Variants in CFAP65 observed in about 807,000 individuals in gnomAD.
The protein encoded by CFAP65 is cilia and flagella associated protein 65, also known as cilia- and flagella-associated protein 65.
CFAP65 carries 155 observed loss-of-function variants against 208.0 expected under a neutral mutation model. That is an observed-to-expected ratio of 0.75 (90% confidence interval 0.65 to 0.85). CFAP65 has a LOEUF of 0.85. Among genes scored for constraint, CFAP65 ranks in the 40% least tolerant of loss-of-function variants. The pLI, the probability that CFAP65 is intolerant of heterozygous loss-of-function variation, is 0.00. For synonymous variants in CFAP65, 970 were observed against 986.3 expected (o/e 0.98, Z 0.31); for missense variants, 2,294 against 2,451.3 (o/e 0.94, Z 1.36).
chr2:219,027,446 A>T, intron 13 of CFAP65: 1 of 1,530,384 alleles, frequency 6.5e-7, no homozygotes. Context: ...AGACTTACAT[A>T]AGAATGAGAA....
Position 219,003,688 on chromosome 2 carries a change from T to A in CFAP65, c.5555+264A>T, listed in dbSNP as rs1257945743. On this transcript the variant is annotated intron_variant, in intron 33 of 34. Coordinates refer to ENST00000341552, the MANE Select transcript of CFAP65 (RefSeq NM_194302.4). The surrounding 1 kb of genome is among the most constrained non-coding windows in gnomAD (Gnocchi z 4.4). ...CCTTTTCTGGCTCTAGAAGCCCATTTACAAGACTTTGCAGACTATAACAAT... is the reference window on the plus strand; with the variant it reads ...CCTTTTCTGGCTCTAGAAGCCCATTAACAAGACTTTGCAGACTATAACAAT... Among the ~76,000 whole-genome samples, 2 of 152,218 alleles carry A rather than the reference T, an allele frequency of 1.3e-5. No homozygotes were observed. Among genetic ancestry groups the A allele is most frequent in the Non-Finnish European group, 2.9e-5 (2 of 68,042 alleles).
chr2:219,038,976 AG>A lies in CFAP65; in HGVS notation c.72del (p.Ser25LeufsTer10), dbSNP rs745749043. ...AGAAGAGGAATAAGGGGGAAAGAAG[AG>A]GCAAATGAGACTGATGGATTCTCCA... ...QKVENPSVSF[A>X]SSFPLIPLLL... On this transcript the variant is annotated frameshift_variant, in exon 3 of 35. Coordinates refer to ENST00000341552, the MANE Select transcript of CFAP65 (RefSeq NM_194302.4). LOFTEE classifies it high-confidence loss of function. 1 of 1,614,004 alleles carries A rather than the reference AG, an allele frequency of 6.2e-7. No homozygotes were observed. Among genetic ancestry groups the A allele is most frequent in the Non-Finnish European group, 8.5e-7 (1 of 1,179,920 alleles).
chr2:219,023,946 C>T, intron 15 of CFAP65, 69 bp downstream of exon 15: 1 of 1,546,912 alleles, frequency 6.5e-7, no homozygotes, highest in Non-Finnish European at 8.8e-7. Flanking sequence ...CAGAATATGG[C>T]CTTGAAAAGG....
chr2:219,009,061 C>T lies in CFAP65; in HGVS notation c.4660G>A (p.Asp1554Asn), dbSNP rs147380052. 3.0e-5 allele frequency: 49 copies of T among 1,611,336 alleles called. No individual in the cohort carries two copies. The highest frequency in any genetic ancestry group is 3.8e-5 in the Non-Finnish European group (45 of 1,178,678). ...GCCCTCCTCACCTTCACTTTCATGT[C>T]GGTGATGGTGAACTCCACTTCCTGC... is the stretch of plus-strand genomic sequence containing the variant. ...VRQEVEFTITDMKVKKRTCCT... is the reference protein window; with the variant it reads ...VRQEVEFTITNMKVKKRTCCT... The change falls in exon 29 of 35, where the codon GAC (aspartate) becomes AAC (asparagine). Residue 1554 changes from aspartate to asparagine, a missense_variant. Physicochemically the swap from Asp to Asn is conservative, Grantham distance 23. Around this residue, in one of 2 missense-constraint regions of CFAP65, gnomAD observed 1,427 missense variants for 1,438.7 expected, o/e 0.99. Coordinates refer to ENST00000341552, the MANE Select transcript of CFAP65 (RefSeq NM_194302.4).
At chr2:219,005,913 C>T in intron 31 of CFAP65, 108 bp downstream of exon 31, 2 of 1,132,202 alleles carry the variant, frequency 1.8e-6, no homozygotes, top group Non-Finnish European at 2.6e-6. Context: ...ACTGCTGCTG[C>T]CCATGCTCCA....
intron 19 of CFAP65, among the ~76,000 whole-genome samples, chr2:219,020,279 A>G (rs1031591910): frequency 4.6e-5 from 7 of 152,306 alleles, no homozygotes; most frequent in East Asian, 3.9e-4. Flanking sequence ...TTCACTTAGC[A>G]TAATGTTTTC....
chr2:219,034,211 C>T (rs1046416553), intron 5 of CFAP65: 1 of 152,048 alleles, frequency 6.6e-6, no homozygotes, highest in African/African-American at 2.4e-5. Flanking sequence ...AATTAAATCC[C>T]AATCAAAATC....
intron 13 of CFAP65, 36 bp downstream of exon 13, chr2:219,027,614 G>A: frequency 6.2e-7 from 1 of 1,613,314 alleles, no homozygotes. Flanking sequence ...TCCTAGCAGA[G>A]ACCCCGCATT....
At chr2:219,026,299 G>T in intron 13 of CFAP65, 140 bp from the exon 14 acceptor site, 1 of 893,760 alleles carries the variant, frequency 1.1e-6, no homozygotes, top group Non-Finnish European at 1.7e-6. Flanking sequence ...GGAAGACAGT[G>T]CAGAGAACAA....
In CFAP65 at chr2:219,026,148, G is replaced by C. The variant is rs766820065; in HGVS notation, c.2223C>G (p.Ser741Arg). 1.9e-6 allele frequency: 3 copies of C among 1,612,090 alleles called. No individual in the cohort carries two copies. Among genetic ancestry groups the C allele is most frequent in the Non-Finnish European group, 2.5e-6 (3 of 1,178,556 alleles). ...EAFAIYKVLQ[S>R]YSNIEEDCTM... ...TGCAGTCCTCCTCAATATTACTGTA[G>C]CTCTGCAGGACCTGCAGAGGGGCCA... Residue 741 changes from serine to arginine, a missense_variant, in exon 14 of 35, where the codon AGC becomes AGG. Transcript: ENST00000341552.
intron 5 of CFAP65, chr2:219,033,692 T>C (rs1948188059): frequency 6.6e-6 from 1 of 152,170 alleles, no homozygotes; most frequent in Non-Finnish European, 1.5e-5. Context: ...ACCAGACAGC[T>C]TAATAGTGAA....
intron 29 of CFAP65, among the ~76,000 whole-genome samples, chr2:219,008,177 G>A (rs1455485359): frequency 6.6e-6 from 1 of 152,126 alleles, no homozygotes; most frequent in African/African-American, 2.4e-5. Flanking sequence ...CAAAAGTGGA[G>A]GGGATGCTAC....
At chr2:219,013,735 ACCT>A in intron 22 of CFAP65, 130 bp downstream of exon 22, 1 of 1,146,328 alleles carries the variant, frequency 8.7e-7, no homozygotes, top group Non-Finnish European at 1.3e-6. Flanking sequence ...AGGAAATTAG[ACCT>A]CCTCTGCAGG....
chr2:219,032,205 G>T lies in CFAP65; in HGVS notation c.645+265C>A, dbSNP rs988834868. On this transcript the variant is annotated intron_variant, in intron 6 of 34. Transcript: ENST00000341552. The surrounding 1 kb of genome is among the most constrained non-coding windows in gnomAD (Gnocchi z 5.5). ...CAAAGTGCTGAGATTCCAGAAGTCA[G>T]TCACCGTCCCCGGCCACGGAATGTA... Among the ~76,000 whole-genome samples the T allele has an allele frequency of 6.6e-6, 1 of 152,240 alleles. No individual in the cohort carries two copies. Among genetic ancestry groups the T allele is most frequent in the East Asian group, 1.9e-4 (1 of 5,200 alleles).
intron 24 of CFAP65, 116 bp downstream of exon 24, chr2:219,013,143 A>G: frequency 1.3e-6 from 1 of 748,838 alleles, no homozygotes; most frequent in Non-Finnish European, 2.3e-6. Flanking sequence ...CTGCTGGCCC[A>G]GCCCCTCAAT....
In CFAP65 at chr2:219,005,436, G is replaced by A; in HGVS notation, c.5049C>T (p.Ile1683=). 1 of 1,613,848 alleles carries A rather than the reference G, an allele frequency of 6.2e-7. No individual in the cohort carries two copies. Among genetic ancestry groups the A allele is most frequent in the Non-Finnish European group, 8.5e-7 (1 of 1,179,958 alleles). Residue 1683 remains isoleucine (I), a splice_region_variant and synonymous_variant, in exon 32 of 35, where the codon ATC becomes ATT. Transcript: ENST00000341552. The part of the protein sequence containing the change: ...QLLVDILTTI[I]RGLLEDKNFH... ...GGGCCCAGGGTGTGAGCTGGTACCT[G>A]ATTATTGTGGTGAGAATGTCAACCA...
At chr2:219,009,196 C>A (rs1190020987) in intron 28 of CFAP65, 42 bp from the exon 29 acceptor site, 2 of 1,578,276 alleles carry the variant, frequency 1.3e-6, no homozygotes, top group South Asian at 2.2e-5. Context: ...AGGTCTGGAG[C>A]TTGCCCGGGG....
intron 12 of CFAP65, 84 bp downstream of exon 12, chr2:219,028,117 T>C (rs1398492761): frequency 6.4e-7 from 1 of 1,567,678 alleles, no homozygotes. Context: ...CCCTGACTAC[T>C]AATGGTGCCC....
Position 219,004,483 on chromosome 2 carries a change from C to T in CFAP65, c.5052-28G>A. 1.9e-6 allele frequency: 3 copies of T among 1,574,998 alleles called. No homozygotes were observed. The highest frequency in any genetic ancestry group is 2.6e-6 in the Non-Finnish European group (3 of 1,162,320). On this transcript the variant is annotated intron_variant, in intron 32 of 34. Coordinates refer to ENST00000341552, the MANE Select transcript of CFAP65 (RefSeq NM_194302.4). This position sits in a 1 kb window ranked among gnomAD's most constrained non-coding sequence, Gnocchi z 4.7. ...AGGTGGCAGGGAGAAGGAGAAGGCC[C>T]TTGCTGAGGGGCCCTGAAGCCCCTG...
Sources: gnomAD v4.1 joint callset for allele counts (sites outside exome capture counted in the v4.1 genomes callset) on GRCh38, gnomAD v4.1.1 for gene constraint, gnomAD v4.1.1 regional missense constraint, Gnocchi (gnomAD v3.1) non-coding constraint, MANE v1.5 for transcripts, NCBI Gene and HGNC (gene_info 2026-07-23, HGNC 2026-07-21) for gene names.